The following PSG2 variants were observed in gnomAD, a reference collection of about 807,000 sequenced individuals.
PSG2 encodes the protein pregnancy specific beta-1-glycoprotein 2.
A neutral mutation model predicts 36.2 loss-of-function variants in PSG2; 49 were observed. The ratio of observed to expected loss-of-function variants is 1.35; its 90% confidence interval spans 1.08 to 1.72. The LOEUF (loss-of-function observed/expected upper bound fraction) is 1.72, where lower values mean the gene tolerates loss of function less well. Ranked by LOEUF, PSG2 falls within the 40% of genes most tolerant of loss-of-function variation. PSG2 has a pLI of 0.00. For missense variants in PSG2, 605 were observed against 407.2 expected, an observed-to-expected ratio of 1.49 and a Z score of -4.18; for synonymous variants, 261 against 155.6, an observed-to-expected ratio of 1.68 and a Z score of -5.04.
intron 2 of PSG2, among the ~76,000 whole-genome samples, chr19:43,075,937 G>C (rs904696706): frequency 7.3e-5 from 11 of 151,488 alleles, no homozygotes; most frequent in South Asian, 2.1e-4. Context: ...CCTCCATCTC[G>C]AAGTGCCTGC....
intron 1 of PSG2, chr19:43,082,007 C>G (rs1967983998): frequency 6.5e-6 from 1 of 154,186 alleles, no homozygotes; most frequent in Admixed American, 6.4e-5. Flanking sequence ...TTTCCTACCT[C>G]TTACCAATTC....
At position 43,068,262 on chromosome 19, in the gene PSG2, C is replaced by T. The variant is rs139938915; in HGVS notation, c.965-1662G>A. Among the ~76,000 whole-genome samples the T allele has an allele frequency of 8.3e-3, 1,260 of 151,202 alleles. 25 individuals are homozygous for T. Among genetic ancestry groups the T allele is most frequent in the Middle Eastern group, 0.014 (4 of 294 alleles). ...CCAGCATAGGTAACCTGGGGAGACG[C>T]TGTGTGTACAAAAAAATAAAAAACC... On this transcript the variant is annotated intron_variant, in intron 4 of 5. Transcript: ENST00000406487.
chr19:43,068,862 A>G (rs1446100521), intron 4 of PSG2, among the ~76,000 whole-genome samples: 2 of 151,822 alleles, frequency 1.3e-5, no homozygotes, highest in East Asian at 3.9e-4. Flanking sequence ...TGAAAGGTCT[A>G]GTCAGAAAAA....
At chr19:43,080,797 C>T in intron 2 of PSG2, 84 bp downstream of exon 2, 1 of 1,610,458 alleles carries the variant, frequency 6.2e-7, no homozygotes, top group South Asian at 1.1e-5. Context: ...GACACAGGCA[C>T]AGTCTAGGCC....
At chr19:43,067,424 G>A (rs867804172) in intron 4 of PSG2, among the ~76,000 whole-genome samples, 3 of 150,844 alleles carry the variant, frequency 2.0e-5, no homozygotes, top group Non-Finnish European at 4.4e-5. Context: ...CCATGTCCTA[G>A]TGTTTTATGT....
chr19:43,072,262 A>G (rs776347842), intron 3 of PSG2: 85 of 1,563,108 alleles, frequency 5.4e-5, no homozygotes, highest in Non-Finnish European at 7.1e-5. Context: ...AAAGTTGTCT[A>G]TACTTGGACC....
intron 4 of PSG2, among the ~76,000 whole-genome samples, chr19:43,070,209 T>G (rs1967796613): frequency 6.6e-6 from 1 of 151,620 alleles, no homozygotes; most frequent in Admixed American, 6.6e-5. Context: ...ACAGGTGTTT[T>G]CAAGCAGATG....
In PSG2 at chr19:43,081,837, G is replaced by GT. The variant is rs58620361; in HGVS notation, c.65-592dup. 103 of 150,760 alleles carry GT rather than the reference G, an allele frequency of 6.8e-4. 1 individual carries two copies. The highest frequency in any genetic ancestry group is 9.8e-4 in the East Asian group (5 of 5,086). 9.3% of individuals were successfully genotyped at this position (150,760 alleles called of 1,614,324 possible). Reference sequence around the variant, plus strand: ...TCTCAGGGCCCTCCACACCCTTGGTGTTTTTTTTTTTCTCCCCCAATTGTT... The same window carrying GT: ...TCTCAGGGCCCTCCACACCCTTGGTGTTTTTTTTTTTTCTCCCCCAATTGTT... On this transcript the variant is annotated intron_variant, in intron 1 of 5. Coordinates refer to ENST00000406487, the MANE Select transcript of PSG2 (RefSeq NM_031246.4).
Position 43,082,508 on chromosome 19 carries a change from G to A in PSG2, c.62C>T (p.Thr21Ile), listed in dbSNP as rs1367706141. 8.7e-6 allele frequency: 14 copies of A among 1,611,518 alleles called. 1 individual carries two copies. Among genetic ancestry groups the A allele is most frequent in the Middle Eastern group, 1.7e-4 (1 of 6,042 alleles). ...CTCCCAGGAAGTTCTCTCCTCACCT[G>A]TGACCAGGAGCCCCTTCCATTTGAT... The part of the protein sequence containing the change: ...EHIKWKGLLV[T>I]ASLLNFWNLP... The change falls in exon 1 of 6, where the codon ACA becomes ATA. Residue 21 changes from threonine to isoleucine, a missense_variant and splice_region_variant. Physicochemically the swap from Thr to Ile is moderately conservative, Grantham distance 89 (BLOSUM62 -1). Coordinates refer to ENST00000406487, the MANE Select transcript of PSG2 (RefSeq NM_031246.4).
chr19:43,066,537 C>A lies in PSG2; in HGVS notation c.*20G>T. ...CATACCTGCCAGTCTTCCTGAAATA[C>A]AGAAATGACATCACAGCTGCTATGT... On this transcript the variant is annotated 3_prime_UTR_variant, in exon 5 of 6. Transcript: ENST00000406487. The A allele has an allele frequency of 1.3e-6, 2 of 1,581,666 alleles. No individual in the cohort carries two copies. Among genetic ancestry groups the A allele is most frequent in the East Asian group, 2.2e-5 (1 of 44,696 alleles).
At chr19:43,064,674 G>C (rs1209424322) in intron 5 of PSG2, 73 bp from the exon 6 acceptor site, 2 of 533,368 alleles carry the variant, frequency 3.7e-6, no homozygotes, top group Non-Finnish European at 7.1e-6. Context: ...AACTGTCTGG[G>C]AATGACAGAG....
rs555681899 is a variant in PSG2, at chr19:43,070,092, G to A, written c.964+1608C>T. 4.0e-5 allele frequency among the ~76,000 whole-genome samples: 6 copies of A among 151,750 alleles called. No individual in the cohort carries two copies. In the South Asian group the frequency reaches 1.0e-3, roughly 26 times the overall value. On this transcript the variant is annotated intron_variant, in intron 4 of 5. Transcript: ENST00000406487. ...CAGTAAGCCCATGCAAAGTTCCTCA[G>A]CATCATGAATACTTAGAGATGTGCA...
At position 43,082,560 on chromosome 19, in the gene PSG2, G is replaced by A. The variant is rs781739083; in HGVS notation, c.10C>T (p.Leu4Phe). 1 of 1,612,042 alleles carries A rather than the reference G, an allele frequency of 6.2e-7. No homozygotes were observed. The highest frequency in any genetic ancestry group is 1.1e-5 in the South Asian group (1 of 91,020). MGP[L>F]SAPPCTEHIK... Reference sequence around the variant, plus strand: ...TGCTCTGTGCAGGGAGGGGCTGAGAGGGGCCCCATGGTCTCTGCTGCCTGT... The same window carrying A: ...TGCTCTGTGCAGGGAGGGGCTGAGAAGGGCCCCATGGTCTCTGCTGCCTGT... The change falls in exon 1 of 6, where the codon CTC becomes TTC. Residue 4 changes from leucine (L) to phenylalanine (F), a missense_variant. Physicochemically the swap from Leu to Phe is conservative, Grantham distance 22 (BLOSUM62 0). Coordinates refer to ENST00000406487, the MANE Select transcript of PSG2 (RefSeq NM_031246.4).
chr19:43,074,872 T>A (rs530963923), intron 3 of PSG2, among the ~76,000 whole-genome samples: 21 of 151,402 alleles, frequency 1.4e-4, no homozygotes, highest in African/African-American at 3.9e-4. Context: ...AGTGGGTGAG[T>A]GTCTGTGAGG....
rs190165286 is a variant in PSG2, at chr19:43,076,351, T to A, written c.431-719A>T. Among the ~76,000 whole-genome samples, 337 of 151,846 alleles carry A rather than the reference T, an allele frequency of 2.2e-3. 9 individuals are homozygous for A. The highest frequency in any genetic ancestry group is 7.9e-3 in the African/African-American group (324 of 41,234). Reference sequence around the variant, plus strand: ...CTGATAGCTTCTGAACAAGACCATGTGCCCTGTTCTGGGTCCACAATGCTC... The same window carrying A: ...CTGATAGCTTCTGAACAAGACCATGAGCCCTGTTCTGGGTCCACAATGCTC... On this transcript the variant is annotated intron_variant, in intron 2 of 5. Transcript: ENST00000406487.
chr19:43,065,026 G>T (rs147255937), intron 5 of PSG2, among the ~76,000 whole-genome samples: 1 of 151,534 alleles, frequency 6.6e-6, no homozygotes, highest in Non-Finnish European at 1.5e-5. Context: ...TAGTAGAGAT[G>T]GGGTTTCACC....
chr19:43,075,878 T>C lies in PSG2; in HGVS notation c.431-246A>G, dbSNP rs554520224. Among the ~76,000 whole-genome samples, 45 of 151,614 alleles carry C rather than the reference T, an allele frequency of 3.0e-4. 2 individuals carry two copies. Among genetic ancestry groups the C allele is most frequent in the Non-Finnish European group, 3.8e-4 (26 of 67,944 alleles). ...TGTATTGAGCAGCAGCATTGGGTCA[T>C]GGAAAGACACAGGACCAGCAGTCAC... On this transcript the variant is annotated intron_variant, in intron 2 of 5. Coordinates refer to ENST00000406487, the MANE Select transcript of PSG2 (RefSeq NM_031246.4).
intron 4 of PSG2, among the ~76,000 whole-genome samples, chr19:43,069,994 C>A (rs1306748877): frequency 6.6e-6 from 1 of 151,686 alleles, no homozygotes; most frequent in Non-Finnish European, 1.5e-5. Context: ...CAACAGCAAA[C>A]ATCCGAAAAC....
chr19:43,074,331 G>A (rs886841451), intron 3 of PSG2, among the ~76,000 whole-genome samples: 1 of 151,670 alleles, frequency 6.6e-6, no homozygotes, highest in Non-Finnish European at 1.5e-5. Flanking sequence ...CCATGAAAAT[G>A]AAATGTCTTT....
Sources: allele counts gnomAD v4.1 joint callset (sites outside exome capture counted in the v4.1 genomes callset), GRCh38; gene constraint gnomAD v4.1.1; transcripts MANE v1.5; gene names NCBI Gene and HGNC (gene_info 2026-07-23, HGNC 2026-07-21).